Variants in CLYBL observed in about 807,000 individuals in gnomAD.
The protein encoded by CLYBL is citramalyl-CoA lyase, mitochondrial.
A neutral mutation model predicts 38.9 loss-of-function variants in CLYBL; 31 were observed. That is an observed-to-expected ratio of 0.80 (90% CI 0.60 to 1.08). The LOEUF is 1.08. Among genes scored for constraint, CLYBL ranks in the 50% least tolerant of loss-of-function variants. CLYBL has a pLI of 0.00. For missense variants in CLYBL, 434 were observed against 411.6 expected (o/e 1.05, Z -0.47); for synonymous variants, 171 against 158.6 (o/e 1.08, Z -0.59).
At chr13:99,663,943 C>CTT (rs1466089074) in intron 1 of CLYBL, among the ~76,000 whole-genome samples, 1 of 152,318 alleles carries the variant, frequency 6.6e-6, no homozygotes, top group East Asian at 1.9e-4. Context: ...TTTAATGAAA[C>CTT]TTTAACAATC....
chr13:99,722,562 TG>T (rs150199392), intron 1 of CLYBL, among the ~76,000 whole-genome samples: 3,347 of 152,280 alleles, frequency 0.022, 59 homozygotes, highest in Middle Eastern at 0.11. Flanking sequence ...TACCAGATGC[TG>T]GATGAATGAA....
chr13:99,670,940 T>TCC (rs992911836), intron 1 of CLYBL, among the ~76,000 whole-genome samples: 1 of 152,112 alleles, frequency 6.6e-6, no homozygotes, highest in Non-Finnish European at 1.5e-5. Flanking sequence ...TAGAATACAA[T>TCC]CCCTCCTCCT....
At chr13:99,853,785 T>G (rs12868090) in intron 2 of CLYBL, among the ~76,000 whole-genome samples, 34,744 of 152,146 alleles carry the variant, frequency 0.23, 7,378 homozygotes, top group African/African-American at 0.56. Flanking sequence ...AAATACAAAT[T>G]GATAAAAAGT....
intron 1 of CLYBL, among the ~76,000 whole-genome samples, chr13:99,639,187 A>AT: frequency 6.6e-6 from 1 of 152,182 alleles, no homozygotes; most frequent in Non-Finnish European, 1.5e-5. Context: ...TAATCTGGAT[A>AT]TTTTTGAGAG....
intron 1 of CLYBL, among the ~76,000 whole-genome samples, chr13:99,731,394 G>GAGGCC (rs3032477): frequency 2.3e-4 from 35 of 151,506 alleles, no homozygotes; most frequent in Non-Finnish European, 4.4e-4. Flanking sequence ...AGCACTTTGG[G>GAGGCC]AGGCCATGGT....
At chr13:99,668,372 G>T (rs1243780062) in intron 1 of CLYBL, among the ~76,000 whole-genome samples, 3 of 152,112 alleles carry the variant, frequency 2.0e-5, no homozygotes, top group African/African-American at 7.2e-5. Context: ...ATCACCTGAG[G>T]CCAGGAGTTC....
chr13:99,881,632 G>A (rs1481699740), intron 7 of CLYBL, among the ~76,000 whole-genome samples: 1 of 139,718 alleles, frequency 7.2e-6, no homozygotes, highest in African/African-American at 2.7e-5. Context: ...TCACTATGTT[G>A]CCCAAGCTGG....
chr13:99,778,827 A>C (rs541841080), intron 2 of CLYBL, among the ~76,000 whole-genome samples: 5 of 152,354 alleles, frequency 3.3e-5, no homozygotes, highest in African/African-American at 1.2e-4. Flanking sequence ...GAAAGTAGGC[A>C]CTGAGGAGGA....
At chr13:99,619,932 T>C (rs1034941518) in intron 1 of CLYBL, among the ~76,000 whole-genome samples, 3 of 152,184 alleles carry the variant, frequency 2.0e-5, no homozygotes, top group African/African-American at 7.2e-5. Context: ...AAGCTCTGCC[T>C]CCCCCAAACT....
At chr13:99,799,736 C>T (rs986554298) in intron 2 of CLYBL, among the ~76,000 whole-genome samples, 5 of 152,172 alleles carry the variant, frequency 3.3e-5, no homozygotes, top group African/African-American at 1.2e-4. Context: ...ACATAGATAT[C>T]GAGGTAGATA....
At chr13:99,621,328 A>G (rs1433778743) in intron 1 of CLYBL, among the ~76,000 whole-genome samples, 1 of 151,726 alleles carries the variant, frequency 6.6e-6, no homozygotes, top group African/African-American at 2.4e-5. Context: ...TGTGGCCCAC[A>G]TGCACCACTC....
chr13:99,905,638 A>G (rs978999223), intron 9 of CLYBL, among the ~76,000 whole-genome samples: 10 of 152,238 alleles, frequency 6.6e-5, no homozygotes, highest in African/African-American at 2.2e-4. Flanking sequence ...AAAAAAAGAA[A>G]GAAAAGGGGG....
chr13:99,904,051 A>AAC (rs1555327482), intron 8 of CLYBL, among the ~76,000 whole-genome samples: 31 of 152,002 alleles, frequency 2.0e-4, no homozygotes, highest in East Asian at 3.9e-4. Context: ...CTCTTAAAAA[A>AAC]AAAAACAAAA....
At chr13:99,610,480 A>G (rs1202254482) in intron 1 of CLYBL, among the ~76,000 whole-genome samples, 1 of 152,164 alleles carries the variant, frequency 6.6e-6, no homozygotes, top group Non-Finnish European at 1.5e-5. Context: ...ACTTTAATAA[A>G]CTAATTCTGC....
At chr13:99,649,025 C>T (rs1219708115) in intron 1 of CLYBL, among the ~76,000 whole-genome samples, 1 of 151,418 alleles carries the variant, frequency 6.6e-6, no homozygotes, top group African/African-American at 2.4e-5. Context: ...AATGCATAAA[C>T]TTTCAATTGA....
intron 2 of CLYBL, among the ~76,000 whole-genome samples, chr13:99,837,029 T>TAA (rs1446889231): frequency 1.3e-5 from 2 of 151,624 alleles, no homozygotes; most frequent in Non-Finnish European, 2.9e-5. Context: ...CCCTAAAACT[T>TAA]AAAGTATAAT....
intron 2 of CLYBL, among the ~76,000 whole-genome samples, chr13:99,831,640 C>T (rs1050691817): frequency 6.6e-6 from 1 of 151,556 alleles, no homozygotes; most frequent in African/African-American, 2.4e-5. Flanking sequence ...AATATTAGAT[C>T]TTTTGAAGTA....
chr13:99,790,745 G>A (rs1041292487), intron 2 of CLYBL, among the ~76,000 whole-genome samples: 2 of 152,120 alleles, frequency 1.3e-5, no homozygotes, highest in Admixed American at 6.5e-5. Flanking sequence ...CTTGAAGTCT[G>A]GGCTGCTGGT....
intron 2 of CLYBL, among the ~76,000 whole-genome samples, chr13:99,845,419 A>G (rs1022803261): frequency 2.6e-5 from 4 of 152,154 alleles, no homozygotes; most frequent in African/African-American, 7.2e-5. Context: ...ACCGGGCGCA[A>G]AAAGAGGGAA....
Sources: allele counts gnomAD v4.1 joint callset (sites outside exome capture counted in the v4.1 genomes callset), GRCh38; gene constraint gnomAD v4.1.1; transcripts MANE v1.5; gene names NCBI Gene and HGNC (gene_info 2026-07-23, HGNC 2026-07-21).